The following OIP5 variants were observed in gnomAD, a reference collection of about 807,000 sequenced individuals.
OIP5 encodes the protein Opa interacting protein 5, also known as protein Mis18-beta.
Under a neutral mutation model 20.3 loss-of-function variants are expected in OIP5, and 24 were observed. The ratio of observed to expected loss-of-function variants is 1.18; its 90% CI spans 0.86 to 1.66. OIP5 has a LOEUF of 1.66. Among genes scored for constraint, OIP5 ranks in the 40% most tolerant of loss-of-function variants. The pLI is 0.00. For missense variants in OIP5, 339 were observed against 289.5 expected (o/e 1.17, Z -1.24); for synonymous variants, 143 against 121.3 (o/e 1.18, Z -1.17).
intron 2 of OIP5, among the ~76,000 whole-genome samples, chr15:41,324,393 T>G (rs1049018285): frequency 2.6e-5 from 4 of 152,216 alleles, no homozygotes; most frequent in Admixed American, 6.6e-5. Context: ...GGCTTTAGTT[T>G]AAAGGAATGT....
chr15:41,327,356 A>G (rs1169469528), intron 2 of OIP5, among the ~76,000 whole-genome samples: 1 of 151,784 alleles, frequency 6.6e-6, no homozygotes, highest in Non-Finnish European at 1.5e-5. Flanking sequence ...AAATTTTTGT[A>G]TTAGTAGAGA....
intron 2 of OIP5, among the ~76,000 whole-genome samples, chr15:41,325,764 T>C (rs1172440980): frequency 6.7e-6 from 1 of 149,028 alleles, no homozygotes; most frequent in Non-Finnish European, 1.5e-5. Context: ...GCAGGAGAGT[T>C]GCTTGAACCC....
At chr15:41,315,225 T>C (rs1380271333) in intron 3 of OIP5, among the ~76,000 whole-genome samples, 2 of 150,866 alleles carry the variant, frequency 1.3e-5, no homozygotes, top group Non-Finnish European at 3.0e-5. Context: ...AGGTCAGGAG[T>C]TTGAGACCAG....
At chr15:41,327,816 TGAAAA>T (rs1477027840) in intron 2 of OIP5, among the ~76,000 whole-genome samples, 3 of 151,136 alleles carry the variant, frequency 2.0e-5, no homozygotes, top group Non-Finnish European at 4.4e-5. Flanking sequence ...ATAAAATAAT[TGAAAA>T]GAAAGGCTGA....
intron 3 of OIP5, among the ~76,000 whole-genome samples, chr15:41,314,739 C>T (rs2047779474): frequency 6.6e-6 from 1 of 151,460 alleles, no homozygotes; most frequent in Admixed American, 6.6e-5. Flanking sequence ...TCAAGCAATT[C>T]TTCTGCCTCA....
rs1020448965 is a variant in OIP5, at chr15:41,309,698, C to T, written c.*56G>A. 5 of 1,111,880 alleles carry T rather than the reference C, an allele frequency of 4.5e-6. No homozygotes were observed. The African/African-American group carries it at 4.7e-5, about 10-fold the overall frequency. The allele number at this position is 1,111,880 out of a possible 1,614,324, so 68.9% of individuals were successfully genotyped here. On this transcript the variant is annotated 3_prime_UTR_variant, in exon 5 of 5. Coordinates refer to ENST00000220514, the MANE Select transcript of OIP5 (RefSeq NM_007280.2). Reference sequence around the variant, plus strand: ...TTTTCAAGAAATGACTAAGCAGCACCTGTTGTTGAAGACAGCAATAAAGCC... The same window carrying T: ...TTTTCAAGAAATGACTAAGCAGCACTTGTTGTTGAAGACAGCAATAAAGCC...
At chr15:41,326,901 A>G (rs939717111) in intron 2 of OIP5, among the ~76,000 whole-genome samples, 2 of 152,194 alleles carry the variant, frequency 1.3e-5, no homozygotes, top group African/African-American at 4.8e-5. Flanking sequence ...AATACTTCCA[A>G]TACACTACCA....
intron 2 of OIP5, among the ~76,000 whole-genome samples, chr15:41,328,687 A>G (rs1364955911): frequency 6.6e-6 from 1 of 152,168 alleles, no homozygotes; most frequent in Non-Finnish European, 1.5e-5. Context: ...GTTTAAATAA[A>G]TGTCGGAGGG....
intron 4 of OIP5, among the ~76,000 whole-genome samples, chr15:41,311,774 A>G (rs1349565694): frequency 6.6e-6 from 1 of 152,026 alleles, no homozygotes; most frequent in African/African-American, 2.4e-5. Flanking sequence ...GGGTTTCACC[A>G]TCTTGGCCAG....
chr15:41,321,038 C>G (rs1156508699), intron 2 of OIP5, among the ~76,000 whole-genome samples: 1 of 149,252 alleles, frequency 6.7e-6, no homozygotes, highest in Admixed American at 6.7e-5. Flanking sequence ...TGAGGAGACC[C>G]TCCGCCCGGC....
chr15:41,328,818 G>A (rs1359288753), intron 2 of OIP5, among the ~76,000 whole-genome samples: 1 of 152,068 alleles, frequency 6.6e-6, no homozygotes, highest in Non-Finnish European at 1.5e-5. Context: ...CCAGCACTTT[G>A]GGAGGCTGAG....
At chr15:41,314,303 T>C (rs1316913138) in intron 3 of OIP5, among the ~76,000 whole-genome samples, 2 of 152,170 alleles carry the variant, frequency 1.3e-5, no homozygotes, top group African/African-American at 2.4e-5. Context: ...GGTTTCACCA[T>C]GTTGGCGAGG....
At chr15:41,318,467 G>C (rs1409231989) in intron 3 of OIP5, among the ~76,000 whole-genome samples, 1 of 151,618 alleles carries the variant, frequency 6.6e-6, no homozygotes, top group East Asian at 2.0e-4. Context: ...CGGCCCATAA[G>C]GGAGCAGTTT....
At chr15:41,319,836 A>G (rs2047812118) in intron 2 of OIP5, 56 bp from the exon 3 acceptor site, 2 of 1,450,162 alleles carry the variant, frequency 1.4e-6, no homozygotes, top group Non-Finnish European at 1.9e-6. Context: ...ATAAGAAATA[A>G]AAAATAACTA....
intron 1 of OIP5, 53 bp downstream of exon 1, chr15:41,332,187 G>C: frequency 6.6e-7 from 1 of 1,511,596 alleles, no homozygotes; most frequent in Admixed American, 2.0e-5. Flanking sequence ...GAGAAAGCGG[G>C]AACACCCTCT....
At chr15:41,317,721 C>T (rs1275395790) in intron 3 of OIP5, among the ~76,000 whole-genome samples, 1 of 152,074 alleles carries the variant, frequency 6.6e-6, no homozygotes, top group Non-Finnish European at 1.5e-5. Flanking sequence ...CTCTGCTCCC[C>T]ATGCTAGAAT....
Position 41,332,493 on chromosome 15 carries a change from G to A in OIP5, c.69C>T (p.Gly23=). ...AAGCTTGGTCAATCGCCCTCTCAGTGCCACCACAAAAGTCCCCCCGGGGCG... is the reference window on the plus strand; with the variant it reads ...AAGCTTGGTCAATCGCCCTCTCAGTACCACCACAAAAGTCCCCCCGGGGCG... ...ATPPRGDFCG[G]TERAIDQASF... The change falls in exon 1 of 5, where the codon GGC becomes GGT. Residue 23 remains glycine, a synonymous_variant. Transcript: ENST00000220514. 6.2e-7 allele frequency: 1 copy of A among 1,614,024 alleles called. No individual in the cohort carries two copies. The highest frequency in any genetic ancestry group is 8.5e-7 in the Non-Finnish European group (1 of 1,179,928).
intron 2 of OIP5, among the ~76,000 whole-genome samples, chr15:41,329,297 T>C (rs990276219): frequency 2.0e-5 from 3 of 149,602 alleles, no homozygotes; most frequent in Admixed American, 1.3e-4. Flanking sequence ...CAGAAACACA[T>C]GGGGCTTTCC....
intron 3 of OIP5, among the ~76,000 whole-genome samples, chr15:41,317,473 C>T (rs953258861): frequency 6.6e-6 from 1 of 151,556 alleles, no homozygotes; most frequent in Non-Finnish European, 1.5e-5. Context: ...TCTGACTCCC[C>T]GGTTCAAGTG....
Sources: allele counts gnomAD v4.1 joint callset (sites outside exome capture counted in the v4.1 genomes callset), GRCh38; gene constraint gnomAD v4.1.1; transcripts MANE v1.5; gene names NCBI Gene and HGNC (gene_info 2026-07-23, HGNC 2026-07-21).